The following ESF1 variants were observed in gnomAD, a reference collection of about 807,000 sequenced individuals.
The protein encoded by ESF1 is ESF1 homolog.
A neutral mutation model predicts 92.0 loss-of-function variants in ESF1; 58 were observed. The observed-to-expected ratio is 0.63, with a 90% CI of 0.51 to 0.78. The LOEUF is 0.78. Among genes scored for constraint, ESF1 ranks in the 30% least tolerant of loss-of-function variants. The pLI, the probability that ESF1 is intolerant of heterozygous loss-of-function variation, is 0.00. For synonymous variants in ESF1, 321 were observed against 313.7 expected (o/e 1.02, Z -0.24); for missense variants, 922 against 989.1 (o/e 0.93, Z 0.91).
intron 8 of ESF1, among the ~76,000 whole-genome samples, chr20:13,764,954 G>A (rs1236013974): frequency 6.6e-6 from 1 of 151,696 alleles, no homozygotes; most frequent in Admixed American, 6.6e-5. Context: ...CAGGCACAGA[G>A]GCTCACGCCT....
intron 11 of ESF1, among the ~76,000 whole-genome samples, chr20:13,726,270 G>A (rs1349335265): frequency 1.3e-5 from 2 of 152,136 alleles, no homozygotes; most frequent in Admixed American, 6.5e-5. Flanking sequence ...ATCTAAATTT[G>A]TTGTCAGGAC....
chr20:13,716,874 G>A (rs1473353504), intron 13 of ESF1, among the ~76,000 whole-genome samples: 3 of 136,110 alleles, frequency 2.2e-5, no homozygotes, highest in Non-Finnish European at 4.6e-5. Context: ...CTGGAGTGCA[G>A]TGGCGAGATC....
chr20:13,748,761 G>T (rs1978453797), intron 9 of ESF1, among the ~76,000 whole-genome samples: 1 of 150,456 alleles, frequency 6.6e-6, no homozygotes, highest in African/African-American at 2.4e-5. Context: ...AATTTTTTTT[G>T]TATTTTTTAG....
chr20:13,717,890 G>A (rs2049840809), intron 12 of ESF1, among the ~76,000 whole-genome samples: 1 of 149,124 alleles, frequency 6.7e-6, no homozygotes, highest in Non-Finnish European at 1.5e-5. Context: ...TCTAGCAAAT[G>A]TTTATTTTGT....
chr20:13,768,186 T>C (rs1404755600), intron 7 of ESF1, among the ~76,000 whole-genome samples: 13 of 152,212 alleles, frequency 8.5e-5, no homozygotes, highest in Admixed American at 7.2e-4. Flanking sequence ...CACCACGGCA[T>C]AGCAGGTGGC....
At chr20:13,724,512 G>A (rs1208297603) in intron 11 of ESF1, among the ~76,000 whole-genome samples, 2 of 152,088 alleles carry the variant, frequency 1.3e-5, no homozygotes, top group African/African-American at 4.8e-5. Context: ...CCTGGATCAT[G>A]AGTACAAAAT....
At chr20:13,722,699 T>A (rs905087243) in intron 11 of ESF1, among the ~76,000 whole-genome samples, 2 of 150,984 alleles carry the variant, frequency 1.3e-5, no homozygotes, top group African/African-American at 2.4e-5. Context: ...TTTTTTTTTT[T>A]AAATTAGCCA....
rs941845438 is a variant in ESF1, at chr20:13,766,691, A to G, written c.1666+86T>C. On this transcript the variant is annotated intron_variant, in intron 8 of 13. Coordinates refer to ENST00000617257, the MANE Select transcript of ESF1 (RefSeq NM_001276380.2). Reference sequence around the variant, plus strand: ...TATATATAATACTGTGCATGTGAGCATATCTGCAGACAGAATTTGGCTTTC... The same window carrying G: ...TATATATAATACTGTGCATGTGAGCGTATCTGCAGACAGAATTTGGCTTTC... The G allele has an allele frequency of 3.8e-6, 5 of 1,328,310 alleles. No individual in the cohort carries two copies. The African/African-American group carries it at 4.4e-5, about 12-fold the overall frequency. The allele number at this position is 1,328,310 out of a possible 1,614,324, so 82.3% of individuals were successfully genotyped here.
intron 11 of ESF1, 121 bp downstream of exon 11, chr20:13,728,257 T>C: frequency 1.4e-6 from 1 of 693,196 alleles, no homozygotes; most frequent in Non-Finnish European, 2.4e-6. Context: ...CTTGCTTATG[T>C]CACTAAGGGA....
At position 13,715,082 on chromosome 20, in the gene ESF1, G is replaced by C. The variant is rs1367719786; in HGVS notation, c.2348C>G (p.Thr783Arg). The C allele has an allele frequency of 6.2e-7, 1 of 1,612,456 alleles. No individual in the cohort carries two copies. Among genetic ancestry groups the C allele is most frequent in the Admixed American group, 1.7e-5 (1 of 59,782 alleles). ...LDPSDPNFKK[T>R]KAMEKILEEK... Reference sequence around the variant, plus strand: ...CTCAAGGATTTTTTCCATAGCTTTTGTTTTCTTGAAATTGGGATCTGAGGG... The same window carrying C: ...CTCAAGGATTTTTTCCATAGCTTTTCTTTTCTTGAAATTGGGATCTGAGGG... The change falls in exon 14 of 14, where the codon ACA becomes AGA. Residue 783 changes from threonine to arginine, a missense_variant. Coordinates refer to ENST00000617257, the MANE Select transcript of ESF1 (RefSeq NM_001276380.2).
chr20:13,741,192 A>T (rs941042977), intron 9 of ESF1, among the ~76,000 whole-genome samples: 2 of 152,094 alleles, frequency 1.3e-5, no homozygotes, highest in African/African-American at 4.8e-5. Flanking sequence ...TCTATCACTA[A>T]ATTCTGTGGA....
chr20:13,766,657 A>T, intron 8 of ESF1, 120 bp downstream of exon 8: 1 of 883,086 alleles, frequency 1.1e-6, no homozygotes, highest in Non-Finnish European at 1.6e-6. Flanking sequence ...ATCAATCACT[A>T]TCTACAGGTA....
chr20:13,721,881 T>A (rs991844296), intron 11 of ESF1, among the ~76,000 whole-genome samples: 2 of 152,132 alleles, frequency 1.3e-5, no homozygotes, highest in Non-Finnish European at 2.9e-5. Context: ...AATATACGAA[T>A]CTTAAGAGTA....
chr20:13,781,758 T>G (rs1980201541), intron 2 of ESF1, among the ~76,000 whole-genome samples: 1 of 152,238 alleles, frequency 6.6e-6, no homozygotes, highest in South Asian at 2.1e-4. Context: ...TGACGACGCC[T>G]TACTCATATT....
intron 9 of ESF1, among the ~76,000 whole-genome samples, chr20:13,754,270 T>C (rs1189232182): frequency 6.6e-6 from 1 of 152,206 alleles, no homozygotes; most frequent in East Asian, 1.9e-4. Context: ...CCTTCTTTAT[T>C]GGCAGGCTGA....
rs749989880 is a variant in ESF1, at chr20:13,783,082, G to A, written c.59C>T (p.Pro20Leu). Residue 20 changes from proline to leucine, a missense_variant, in exon 2 of 14, where the codon CCG becomes CTG. Coordinates refer to ENST00000617257, the MANE Select transcript of ESF1 (RefSeq NM_001276380.2). The stretch of plus-strand genomic sequence containing the variant: ...CTTTTCTGGCATTTCCCAAAATCTC[G>A]GGTCCTTTGCAACCCGTCTAAACCG... Reference protein sequence around the residue: ...DQRFRRVAKDPRFWEMPEKDR... With the variant: ...DQRFRRVAKDLRFWEMPEKDR... 4 of 1,613,382 alleles carry A rather than the reference G, an allele frequency of 2.5e-6. No homozygotes were observed. Among genetic ancestry groups the A allele is most frequent in the East Asian group, 4.5e-5 (2 of 44,878 alleles).
chr20:13,719,465 C>G (rs1408552891), intron 11 of ESF1, among the ~76,000 whole-genome samples: 2 of 151,674 alleles, frequency 1.3e-5, no homozygotes, highest in African/African-American at 4.8e-5. Context: ...GTGAAAATAA[C>G]CAAAAAATTC....
Position 13,733,803 on chromosome 20 carries a change from A to G in ESF1, c.1868T>C (p.Leu623Ser). Residue 623 changes from leucine to serine, a missense_variant, in exon 10 of 14, where the codon TTG becomes TCG. By Grantham distance (145) the Leu-to-Ser change is moderately radical. Coordinates refer to ENST00000617257, the MANE Select transcript of ESF1 (RefSeq NM_001276380.2). ...AGGGGTCAGTTTATCCTTTCCTTCC[A>G]ATTTGTTTTTGACCATCTCTTCTGC... ...ESAEEMVKNKLEGKDKLTPWE... is the reference protein window; with the variant it reads ...ESAEEMVKNKSEGKDKLTPWE... 6.2e-7 allele frequency: 1 copy of G among 1,612,784 alleles called. No homozygotes were observed. Among genetic ancestry groups the G allele is most frequent in the Non-Finnish European group, 8.5e-7 (1 of 1,179,734 alleles).
rs1474946281 is a variant in ESF1 at position 13,759,724 on chromosome 20, T to C, written c.1796A>G (p.Asn599Ser). The change falls in exon 9 of 14, where the codon AAT becomes AGT. Residue 599 changes from asparagine to serine, a missense_variant. Asn to Ser is a conservative substitution (Grantham distance 46, BLOSUM62 1). Coordinates refer to ENST00000617257, the MANE Select transcript of ESF1 (RefSeq NM_001276380.2). ...CCATTTAATTTCCATTTCCATATCA[T>C]TTTCTTTGCCTTTCTTTTCTTTTTC... ...IQEKEKKGKE[N>S]DMEMEIKWVP... The C allele has an allele frequency of 1.3e-6, 2 of 1,573,802 alleles. No homozygotes were observed. Among genetic ancestry groups the C allele is most frequent in the South Asian group, 1.2e-5 (1 of 84,466 alleles).
Sources: gnomAD v4.1 joint callset for allele counts (sites outside exome capture counted in the v4.1 genomes callset) on GRCh38, gnomAD v4.1.1 for gene constraint, MANE v1.5 for transcripts, NCBI Gene and HGNC (gene_info 2026-07-23, HGNC 2026-07-21) for gene names.